The following TOP6BL variants were observed in gnomAD, a reference collection of about 807,000 sequenced individuals.
TOP6BL encodes the protein TOP6B like initiator of meiotic double strand breaks.
chr11:66,785,375 C>G, the TOP6BL span, among the ~76,000 whole-genome samples: 1 of 152,056 alleles, frequency 6.6e-6, no homozygotes, highest in Non-Finnish European at 1.5e-5. Context: ...ATTTAAAAAT[C>G]TCTCCCAGAT....
the TOP6BL span, among the ~76,000 whole-genome samples, chr11:66,833,675 C>T: frequency 3.9e-5 from 6 of 152,096 alleles, no homozygotes; most frequent in Middle Eastern, 3.4e-3. Flanking sequence ...GGGCCAGGTG[C>T]GGTGGCTCAC....
chr11:66,828,126 T>G, the TOP6BL span: 1 of 615,420 alleles, frequency 1.6e-6, no homozygotes. Context: ...ACTGCCTTCA[T>G]GAAAACTAAG....
the TOP6BL span, among the ~76,000 whole-genome samples, chr11:66,776,119 C>T: frequency 0.012 from 1,873 of 151,374 alleles, 13 homozygotes; most frequent in Admixed American, 0.02. Context: ...AGTGCAGTGG[C>T]GTGATCTCGG....
the TOP6BL span, among the ~76,000 whole-genome samples, chr11:66,770,415 A>G: frequency 6.6e-6 from 1 of 152,184 alleles, no homozygotes; most frequent in Non-Finnish European, 1.5e-5. Flanking sequence ...AGTCAAAAAC[A>G]TAATGAGGCC....
the TOP6BL span, among the ~76,000 whole-genome samples, chr11:66,838,640 A>G: frequency 6.6e-6 from 1 of 152,228 alleles, no homozygotes; most frequent in Non-Finnish European, 1.5e-5. Flanking sequence ...GGACAGGACT[A>G]GAAATTTGTA....
chr11:66,801,198 G>C, the TOP6BL span: 1 of 1,286,388 alleles, frequency 7.8e-7, no homozygotes, highest in Non-Finnish European at 1.1e-6. Flanking sequence ...CTTGTCATTT[G>C]TAAGTGCCAG....
chr11:66,762,362 C>A, the TOP6BL span: 1 of 372,332 alleles, frequency 2.7e-6, no homozygotes, highest in Non-Finnish European at 4.9e-6. Context: ...GACGCAGAAG[C>A]CCAGCATATG....
chr11:66,755,321 A>G, the TOP6BL span, among the ~76,000 whole-genome samples: 4 of 152,126 alleles, frequency 2.6e-5, no homozygotes, highest in Non-Finnish European at 4.4e-5. Flanking sequence ...GGGTTTCACT[A>G]TGTTGGCCAG....
chr11:66,794,262 G>T, the TOP6BL span, among the ~76,000 whole-genome samples: 2 of 151,388 alleles, frequency 1.3e-5, no homozygotes, highest in African/African-American at 4.9e-5. Flanking sequence ...CTAGTACATG[G>T]CTGTGTATTC....
At chr11:66,766,522 G>C in the TOP6BL span, among the ~76,000 whole-genome samples, 15 of 152,226 alleles carry the variant, frequency 9.9e-5, no homozygotes, top group East Asian at 2.9e-3. Flanking sequence ...GAAGTCACAG[G>C]AAGTAGAGGC....
At chr11:66,756,351 A>G in the TOP6BL span, 1 of 1,178,608 alleles carries the variant, frequency 8.5e-7, no homozygotes, top group Non-Finnish European at 1.1e-6. Flanking sequence ...TTTTTTTCTC[A>G]GGATGGAGTC....
chr11:66,750,905 A>C, the TOP6BL span, among the ~76,000 whole-genome samples: 1 of 148,822 alleles, frequency 6.7e-6, no homozygotes, highest in South Asian at 2.1e-4. Context: ...GTCTCTTGCT[A>C]TGTTGCCCAG....
chr11:66,776,506 G>A, the TOP6BL span, among the ~76,000 whole-genome samples: 1 of 152,104 alleles, frequency 6.6e-6, no homozygotes, highest in Non-Finnish European at 1.5e-5. Context: ...GTCTACCACT[G>A]GCCGGGAGCA....
chr11:66,828,365 G>T, the TOP6BL span: 1 of 1,604,830 alleles, frequency 6.2e-7, no homozygotes, highest in Non-Finnish European at 8.5e-7. Context: ...GGTGAAGCAG[G>T]TAAGTGTAAA....
At chr11:66,766,255 A>G in the TOP6BL span, among the ~76,000 whole-genome samples, 3 of 152,078 alleles carry the variant, frequency 2.0e-5, no homozygotes, top group South Asian at 2.1e-4. Context: ...TTACTCTTCA[A>G]TCTGTTCTAC....
chr11:66,777,868 T>TC, the TOP6BL span, among the ~76,000 whole-genome samples: 2 of 151,828 alleles, frequency 1.3e-5, no homozygotes, highest in Non-Finnish European at 1.5e-5. Context: ...CAAGACTCCA[T>TC]CCCCCCAAAA....
the TOP6BL span, among the ~76,000 whole-genome samples, chr11:66,792,735 TATC>T: frequency 2.0e-5 from 3 of 152,206 alleles, no homozygotes; most frequent in Non-Finnish European, 4.4e-5. Context: ...AGTCAGTAAA[TATC>T]ATCATTATTC....
At chr11:66,774,066 A>G in the TOP6BL span, among the ~76,000 whole-genome samples, 1 of 152,120 alleles carries the variant, frequency 6.6e-6, no homozygotes, top group South Asian at 2.1e-4. Context: ...TTTTAAATTT[A>G]TATTTATTAT....
At chr11:66,752,545 G>A in the TOP6BL span, among the ~76,000 whole-genome samples, 2 of 151,866 alleles carry the variant, frequency 1.3e-5, no homozygotes, top group Non-Finnish European at 2.9e-5. Context: ...TCCGCCTCCC[G>A]GGTTCAAGTG....
Sources: gnomAD v4.1 joint callset for allele counts (sites outside exome capture counted in the v4.1 genomes callset) on GRCh38, gnomAD v4.1.1 for gene constraint, MANE v1.5 for transcripts, NCBI Gene and HGNC (gene_info 2026-07-23, HGNC 2026-07-21) for gene names.